The following MTUS1 variants were observed in gnomAD, a reference collection of about 807,000 sequenced individuals.
MTUS1 encodes the protein microtubule-associated tumor suppressor 1.
In MTUS1, 109 loss-of-function variants were observed where a neutral mutation model predicts 120.8. That is an observed-to-expected ratio of 0.90 (90% CI 0.77 to 1.06). MTUS1 has a LOEUF of 1.06. Ranked by LOEUF, MTUS1 falls within the 50% of genes least tolerant of loss-of-function variation. The probability of loss-of-function intolerance (pLI) is 0.00; values close to 1 mark genes in which losing one functional copy is unlikely to be tolerated. For synonymous variants in MTUS1, 737 were observed against 550.5 expected, an observed-to-expected ratio of 1.34 and a Z score of -4.74; for missense variants, 2,210 against 1,486.3, an observed-to-expected ratio of 1.49 and a Z score of -8.01.
intron 3 of MTUS1, among the ~76,000 whole-genome samples, chr8:17,731,581 G>A (rs541074566): frequency 2.7e-4 from 41 of 151,950 alleles, no homozygotes; most frequent in Non-Finnish European, 4.9e-4. Context: ...AGTAGGGACC[G>A]TCTTATTATG....
Position 17,751,253 on chromosome 8 carries a change from C to T in MTUS1, c.2091+2464G>A, listed in dbSNP as rs531997959. ...GGCAGAGGTTGCAGTGAGCCGAGAT[C>T]GCGCCACTGCACTCCATCCTGGGTG... is the stretch of plus-strand genomic sequence containing the variant. On this transcript the variant is annotated intron_variant, in intron 2 of 14. Transcript: ENST00000693296. Among the ~76,000 whole-genome samples the T allele has an allele frequency of 7.2e-5, 11 of 152,194 alleles. 1 individual carries two copies. In the South Asian group the frequency reaches 1.0e-3, roughly 14 times the overall value.
At chr8:17,721,525 G>A (rs1404090860) in intron 4 of MTUS1, among the ~76,000 whole-genome samples, 3 of 152,012 alleles carry the variant, frequency 2.0e-5, no homozygotes, top group Non-Finnish European at 4.4e-5. Flanking sequence ...ACACATAAAA[G>A]AGACAACAAA....
At chr8:17,762,546 G>C (rs1047085924) in intron 1 of MTUS1, among the ~76,000 whole-genome samples, 1 of 152,138 alleles carries the variant, frequency 6.6e-6, no homozygotes, top group African/African-American at 2.4e-5. Context: ...CCTAGGAACC[G>C]AGTAGAGGAG....
At chr8:17,656,595 G>T (rs1032098952) in intron 8 of MTUS1, among the ~76,000 whole-genome samples, 29 of 132,560 alleles carry the variant, frequency 2.2e-4, no homozygotes, top group Non-Finnish European at 3.8e-4. Context: ...AGTAAGAGAA[G>T]TACTTCAGAA....
At chr8:17,771,522 T>C (rs1586310276) in intron 1 of MTUS1, among the ~76,000 whole-genome samples, 2 of 152,200 alleles carry the variant, frequency 1.3e-5, no homozygotes, top group South Asian at 4.1e-4. Context: ...CTCTCAGCAA[T>C]GTGAATAACT....
intron 6 of MTUS1, among the ~76,000 whole-genome samples, chr8:17,696,507 A>G (rs1019335426): frequency 1.3e-5 from 2 of 152,250 alleles, no homozygotes; most frequent in Admixed American, 6.5e-5. Context: ...ATTTTACAGA[A>G]TAAAACTGAT....
At chr8:17,784,789 C>CT (rs35184947) in intron 1 of MTUS1, among the ~76,000 whole-genome samples, 98,995 of 147,228 alleles carry the variant, frequency 0.67, 35,601 homozygotes, top group Non-Finnish European at 0.82. Flanking sequence ...ACAAGAAGAA[C>CT]TTTTTTTTTT....
intron 3 of MTUS1, among the ~76,000 whole-genome samples, chr8:17,735,908 T>C (rs1190497044): frequency 3.9e-5 from 6 of 152,132 alleles, no homozygotes; most frequent in African/African-American, 9.7e-5. Flanking sequence ...GCACTATAAA[T>C]GCAAAGCAGC....
intron 8 of MTUS1, among the ~76,000 whole-genome samples, chr8:17,671,138 T>A (rs1234564395): frequency 6.6e-6 from 1 of 152,090 alleles, no homozygotes; most frequent in African/African-American, 2.4e-5. Flanking sequence ...CACCTTAATT[T>A]AAAAAATCGT....
rs945688391 is a variant in MTUS1, at chr8:17,713,226, C to A, written c.2611G>T (p.Ala871Ser). 1 of 1,598,088 alleles carries A rather than the reference C, an allele frequency of 6.3e-7. No homozygotes were observed. The highest frequency in any genetic ancestry group is 1.7e-5 in the Admixed American group (1 of 58,948). Residue 871 changes from alanine to serine, a missense_variant, in exon 6 of 15, where the codon GCT (alanine) becomes TCT (serine). Physicochemically the swap from Ala to Ser is moderately conservative, Grantham distance 99. Coordinates refer to ENST00000693296, the MANE Select transcript of MTUS1 (RefSeq NM_001363059.2). ...KGPSRKNLFT[A>S]LNAVEKSRQK... ...AGTGGTCACTCACCTGCATTAAGAG[C>A]TGTAAATAAATTTTTTCTCGAAGGA...
At chr8:17,776,805 G>A (rs934309852) in intron 1 of MTUS1, among the ~76,000 whole-genome samples, 3 of 151,690 alleles carry the variant, frequency 2.0e-5, no homozygotes, top group Admixed American at 2.0e-4. Flanking sequence ...GTGACGATGA[G>A]TGATATTTAA....
intron 7 of MTUS1, among the ~76,000 whole-genome samples, chr8:17,675,523 G>A (rs1411755442): frequency 1.3e-5 from 2 of 152,196 alleles, no homozygotes; most frequent in Non-Finnish European, 2.9e-5. Context: ...CTTTGAGCCA[G>A]TGCTTCACTG....
At chr8:17,660,793 T>C (rs7018071) in intron 8 of MTUS1, among the ~76,000 whole-genome samples, 73,125 of 151,932 alleles carry the variant, frequency 0.48, 20,065 homozygotes, top group Middle Eastern at 0.68. Flanking sequence ...AGCCATATGA[T>C]AGAAATAAAA....
chr8:17,795,592 G>C (rs866184485), intron 1 of MTUS1, among the ~76,000 whole-genome samples: 1 of 151,224 alleles, frequency 6.6e-6, no homozygotes, highest in Non-Finnish European at 1.5e-5. Context: ...AGGGTAAAAT[G>C]TGTGTTTTTC....
In MTUS1 at chr8:17,754,468, G is replaced by A. The variant is rs376446886; in HGVS notation, c.1340C>T (p.Ala447Val). Residue 447 changes from alanine to valine, a missense_variant, in exon 2 of 15, where the codon GCG (alanine) becomes GTG (valine). Physicochemically the swap from Ala to Val is moderately conservative, Grantham distance 64. Coordinates refer to ENST00000693296, the MANE Select transcript of MTUS1 (RefSeq NM_001363059.2). ...KVTFSVSPIE[A>V]TEKCKKVEKG... ...CTCCACTTTCTTACATTTCTCCGTCGCTTCAATCGGTGAAACAGAAAAGGT... is the reference window on the plus strand; with the variant it reads ...CTCCACTTTCTTACATTTCTCCGTCACTTCAATCGGTGAAACAGAAAAGGT... 79 of 1,613,944 alleles carry A rather than the reference G, an allele frequency of 4.9e-5. No homozygotes were observed. Among genetic ancestry groups the A allele is most frequent in the African/African-American group, 6.7e-5 (5 of 74,872 alleles).
At chr8:17,656,694 T>G (rs1457626592) in intron 8 of MTUS1, among the ~76,000 whole-genome samples, 10 of 151,986 alleles carry the variant, frequency 6.6e-5, no homozygotes, top group South Asian at 4.2e-4. Context: ...GCAGAGACAT[T>G]TCTTAGGACA....
chr8:17,710,998 G>C (rs60155780), intron 6 of MTUS1, among the ~76,000 whole-genome samples: 1 of 152,168 alleles, frequency 6.6e-6, no homozygotes, highest in Non-Finnish European at 1.5e-5. Context: ...TTGAGTTGTA[G>C]GTCTTAACAA....
At chr8:17,738,831 T>G (rs558095936) in intron 3 of MTUS1, among the ~76,000 whole-genome samples, 26 of 152,114 alleles carry the variant, frequency 1.7e-4, no homozygotes, top group Admixed American at 6.5e-4. Context: ...CAACAAGAAT[T>G]TTAATTTTTA....
intron 6 of MTUS1, among the ~76,000 whole-genome samples, chr8:17,702,680 C>A (rs567405458): frequency 7.9e-5 from 12 of 152,186 alleles, no homozygotes; most frequent in Non-Finnish European, 1.8e-4. Flanking sequence ...CCAGCTTTAT[C>A]TGTATCACAG....
Sources: allele counts gnomAD v4.1 joint callset (sites outside exome capture counted in the v4.1 genomes callset), GRCh38; gene constraint gnomAD v4.1.1; transcripts MANE v1.5; gene names NCBI Gene and HGNC (gene_info 2026-07-23, HGNC 2026-07-21).